Variants in HPS4 observed in about 807,000 individuals in gnomAD.
HPS4 encodes HPS4 biogenesis of lysosomal organelles complex 3 subunit 2.
A neutral mutation model predicts 70.3 loss-of-function variants in HPS4; 44 were observed. The observed-to-expected ratio is 0.63, with a 90% CI of 0.49 to 0.80. The LOEUF is 0.80. Among genes scored for constraint, HPS4 ranks in the 30% least tolerant of loss-of-function variants. HPS4 has a pLI of 0.00. For synonymous variants in HPS4, 377 were observed against 355.9 expected (o/e 1.06, Z -0.67); for missense variants, 873 against 884.4 (o/e 0.99, Z 0.16).
At chr22:26,460,047 G>A (rs2086926375) in intron 11 of HPS4, among the ~76,000 whole-genome samples, 1 of 152,202 alleles carries the variant, frequency 6.6e-6, no homozygotes, top group African/African-American at 2.4e-5. Flanking sequence ...CAGTTTTCCT[G>A]TATGAAAGTC....
At chr22:26,446,983 C>T (rs114356276), downstream of HPS4, among the ~76,000 whole-genome samples, 3,086 of 152,330 alleles carry the variant, frequency 0.02, 108 homozygotes, top group African/African-American at 0.07. Flanking sequence ...GCCTCTGCCC[C>T]GCAAAGTGCT....
At chr22:26,473,994 T>C (rs1430949683) in intron 4 of HPS4, among the ~76,000 whole-genome samples, 1 of 152,242 alleles carries the variant, frequency 6.6e-6, no homozygotes, top group East Asian at 1.9e-4. Flanking sequence ...CAGTCTGGCA[T>C]GTAAGAAGTG....
intron 13 of HPS4, among the ~76,000 whole-genome samples, chr22:26,454,314 A>G (rs1324388125): frequency 6.6e-6 from 1 of 152,226 alleles, no homozygotes; most frequent in African/African-American, 2.4e-5. Flanking sequence ...ATCTGGAGTC[A>G]CACACACTCA....
At chr22:26,443,112 G>GC (rs778916081), downstream of HPS4, 50 of 1,613,984 alleles carry the variant, frequency 3.1e-5, no homozygotes. Context: ...GCAGAGGATG[G>GC]CCCACGGGTG....
At chr22:26,471,331 T>G (rs1385152559) in intron 6 of HPS4, 18 of 455,254 alleles carry the variant, frequency 4.0e-5, no homozygotes, top group Non-Finnish European at 7.9e-5. Context: ...GCTCTTTCAC[T>G]CGGGGAAATA....
intron 3 of HPS4, among the ~76,000 whole-genome samples, chr22:26,478,504 G>C (rs1355530384): frequency 6.8e-6 from 1 of 146,248 alleles, no homozygotes; most frequent in Non-Finnish European, 1.5e-5. Context: ...CCGGGAGGTG[G>C]AGCATGCAGT....
At chr22:26,468,486 C>G (rs2089145164) in intron 8 of HPS4, 65 bp downstream of exon 8, 3 of 1,408,132 alleles carry the variant, frequency 2.1e-6, no homozygotes, top group Admixed American at 1.8e-5. Context: ...ATCCCTCCAG[C>G]CTCAGGCTCA....
At position 26,482,188 on chromosome 22, in the gene HPS4, A is replaced by C. The variant is rs1043173243; in HGVS notation, c.-426T>G. On this transcript the variant is annotated 5_prime_UTR_variant, in exon 2 of 14. Transcript: ENST00000398145. ...CTTGTCTAGTTCAAACCCATCCTGA[A>C]GACTCTTATTAAACGTTTTGAAGTT... 1 of 212,236 alleles carries C rather than the reference A, an allele frequency of 4.7e-6. No homozygotes were observed. The highest frequency in any genetic ancestry group is 2.3e-5 in the African/African-American group (1 of 42,882). The allele number at this position is 212,236 out of a possible 1,614,324, so 13.1% of individuals were successfully genotyped here. A position where few individuals can be genotyped will look rare whatever the true frequency, so the allele number is the denominator to read the frequency against.
At chr22:26,462,279 A>G (rs1324269270) in intron 11 of HPS4, among the ~76,000 whole-genome samples, 2 of 152,214 alleles carry the variant, frequency 1.3e-5, no homozygotes, top group Admixed American at 6.5e-5. Context: ...TTGACAAACC[A>G]GGGGATATGG....
chr22:26,465,873 G>A (rs902874678), intron 9 of HPS4: 11 of 561,672 alleles, frequency 2.0e-5, no homozygotes, highest in South Asian at 6.0e-5. Flanking sequence ...AGAATAAATC[G>A]AAATAACTCT....
chr22:26,471,824 C>G (rs1365148967), intron 6 of HPS4, among the ~76,000 whole-genome samples: 1 of 152,166 alleles, frequency 6.6e-6, no homozygotes, highest in Non-Finnish European at 1.5e-5. Context: ...CACAAGCAGC[C>G]TAGGTTTCAC....
chr22:26,479,534 G>GCAGGAA, intron 2 of HPS4, 179 bp from the exon 3 acceptor site: 2 of 1,422,576 alleles, frequency 1.4e-6, no homozygotes, highest in South Asian at 3.1e-5. Flanking sequence ...TTCTGTAAGC[G>GCAGGAA]CAGGAAATTC....
At position 26,453,269 on chromosome 22, in the gene HPS4, C is replaced by T. The variant is rs145698999; in HGVS notation, c.2091G>A (p.Lys697=). The part of the protein sequence containing the change: ...DGAFSLSGKA[K]QKLLKHGVNL... ...TCACCCCGTGCTTCAGCAGCTTCTG[C>T]TTTGCTTTGCCGGAGAGGCTGAAGG... Residue 697 remains lysine, a synonymous_variant, in exon 14 of 14, where the codon AAG becomes AAA. Transcript: ENST00000398145. The T allele has an allele frequency of 1.3e-5, 21 of 1,614,110 alleles. No homozygotes were observed. Among genetic ancestry groups the T allele is most frequent in the African/African-American group, 1.2e-4 (9 of 74,942 alleles).
chr22:26,462,250 G>C lies in HPS4; in HGVS notation c.1713+1667C>G, dbSNP rs184231583. ...ACAGAAGCCCATGGAGGCTGATGTC[G>C]TAACAGCATGGATAGACCTTGACAA... On this transcript the variant is annotated intron_variant, in intron 11 of 13. Coordinates refer to ENST00000398145, the MANE Select transcript of HPS4 (RefSeq NM_022081.6). Among the ~76,000 whole-genome samples, 127 of 152,288 alleles carry C rather than the reference G, an allele frequency of 8.3e-4. 1 individual carries two copies. Among genetic ancestry groups the C allele is most frequent in the African/African-American group, 2.9e-3 (119 of 41,548 alleles).
In HPS4 at chr22:26,481,702, T is replaced by C. The variant is rs1407756592; in HGVS notation, c.41+20A>G. On this transcript the variant is annotated intron_variant, in intron 2 of 13. Coordinates refer to ENST00000398145, the MANE Select transcript of HPS4 (RefSeq NM_022081.6). ...CAACAGCCCAGCAAAAGCTATGCCATGGCAGGCCTTGTTACTCACCACGAG... is the reference window on the plus strand; with the variant it reads ...CAACAGCCCAGCAAAAGCTATGCCACGGCAGGCCTTGTTACTCACCACGAG... 1.2e-6 allele frequency: 2 copies of C among 1,613,174 alleles called. No individual in the cohort carries two copies. Among genetic ancestry groups the C allele is most frequent in the Middle Eastern group, 3.3e-4 (2 of 6,060 alleles).
chr22:26,446,337 T>C (rs796688096), downstream of HPS4, among the ~76,000 whole-genome samples: 15 of 152,296 alleles, frequency 9.8e-5, no homozygotes, highest in South Asian at 3.1e-3. Flanking sequence ...ATTGTCTGGG[T>C]TCTGTCCTTG....
intron 13 of HPS4, among the ~76,000 whole-genome samples, chr22:26,457,586 T>C (rs1402484952): frequency 1.3e-5 from 2 of 152,178 alleles, no homozygotes; most frequent in Non-Finnish European, 2.9e-5. Context: ...CCGTCCCTAG[T>C]AATGGATGTA....
At chr22:26,445,506 T>C (rs1159460897) in intron 3 of HPS4, among the ~76,000 whole-genome samples, 1 of 152,118 alleles carries the variant, frequency 6.6e-6, no homozygotes, top group Non-Finnish European at 1.5e-5. Flanking sequence ...CTAGGATATG[T>C]TAAGGAGCAA....
rs887874663 is a variant in HPS4 at position 26,452,391 on chromosome 22, C to G, written c.*842G>C. On this transcript the variant is annotated 3_prime_UTR_variant, in exon 14 of 14. Coordinates refer to ENST00000398145, the MANE Select transcript of HPS4 (RefSeq NM_022081.6). ...CACAGCTGAGTGTCGCTCCCTTTCA[C>G]GCAGCCACCACTGAAAAGCACAGTG... 1 of 456,110 alleles carries G rather than the reference C, an allele frequency of 2.2e-6. No homozygotes were observed. Among genetic ancestry groups the G allele is most frequent in the African/African-American group, 2.0e-5 (1 of 50,004 alleles). The allele number at this position is 456,110 out of a possible 1,614,324, so 28.3% of individuals were successfully genotyped here. A position where few individuals can be genotyped will look rare whatever the true frequency, so the allele number is the denominator to read the frequency against.
Sources: gnomAD v4.1 joint callset for allele counts (sites outside exome capture counted in the v4.1 genomes callset) on GRCh38, gnomAD v4.1.1 for gene constraint, MANE v1.5 for transcripts, NCBI Gene and HGNC (gene_info 2026-07-23, HGNC 2026-07-21) for gene names.